Variants in TJP3 observed in about 807,000 individuals in gnomAD.
TJP3 encodes tight junction protein ZO-3.
TJP3 carries 85 observed loss-of-function variants against 104.2 expected under a neutral mutation model. The ratio of observed to expected loss-of-function variants is 0.82; its 90% CI spans 0.68 to 0.98. TJP3 has a LOEUF of 0.98. Among genes scored for constraint, TJP3 ranks in the 50% least tolerant of loss-of-function variants. The probability of loss-of-function intolerance (pLI) is 0.00; values close to 1 mark genes in which losing one functional copy is unlikely to be tolerated. For missense variants in TJP3, 1,367 were observed against 1,322.8 expected, an observed-to-expected ratio of 1.03 and a Z score of -0.52; for synonymous variants, 550 against 550.6, an observed-to-expected ratio of 1.00 and a Z score of 0.02.
chr19:3,731,922 T>C lies in TJP3; in HGVS notation c.614-13T>C, dbSNP rs1020260636. Reference sequence around the variant, plus strand: ...CAGAGTCCTGCCTCAGTTTCCCTCCTCCCCCCTTACAGAGTTTGGCGTCAA... The same window carrying C: ...CAGAGTCCTGCCTCAGTTTCCCTCCCCCCCCCTTACAGAGTTTGGCGTCAA... On this transcript the variant is annotated splice_polypyrimidine_tract_variant and intron_variant, in intron 5 of 20. Coordinates refer to ENST00000541714, the MANE Select transcript of TJP3 (RefSeq NM_001267560.2). 2.8e-5 allele frequency: 45 copies of C among 1,609,104 alleles called. No homozygotes were observed. The highest frequency in any genetic ancestry group is 3.1e-5 in the Non-Finnish European group (37 of 1,177,106).
Position 3,750,622 on chromosome 19 carries a change from G to C in TJP3, c.2698G>C (p.Val900Leu). The stretch of plus-strand genomic sequence containing the variant: ...AGCCCTGAAGAAAAAGTTTATGCGA[G>C]TACATGATGCGGAGTCCTCCGATGA... Reference protein sequence around the residue: ...REALKKKFMRVHDAESSDEDG... With the variant: ...REALKKKFMRLHDAESSDEDG... The change falls in exon 21 of 21, where the codon GTA becomes CTA. Residue 900 changes from valine (V) to leucine (L), a missense_variant. Val to Leu is a conservative substitution (Grantham distance 32, BLOSUM62 1). Transcript: ENST00000541714. 6.2e-7 allele frequency: 1 copy of C among 1,609,760 alleles called. No homozygotes were observed. Among genetic ancestry groups the C allele is most frequent in the Non-Finnish European group, 8.5e-7 (1 of 1,178,172 alleles).
chr19:3,733,827 A>T lies in TJP3; in HGVS notation c.792A>T (p.Leu264=), dbSNP rs1244401462. ...TGATTGAGAAGTCAGAAGGGAAGCT[A>T]AGCCTGCTGGTGCTGAGAGATCGTG... ...RRLIEKSEGK[L]SLLVLRDRGQ... Residue 264 remains leucine (L), a synonymous_variant, in exon 7 of 21, where the codon CTA becomes CTT. Coordinates refer to ENST00000541714, the MANE Select transcript of TJP3 (RefSeq NM_001267560.2). The T allele has an allele frequency of 1.2e-6, 2 of 1,614,102 alleles. No homozygotes were observed. The highest frequency in any genetic ancestry group is 2.2e-5 in the South Asian group (2 of 91,092).
Position 3,732,051 on chromosome 19 carries a change from T to G in TJP3, c.717+13T>G. ...TCTCATTCTACAGGTGAGGCCGGGC[T>G]TCTTGTCCTGAGAGCAGGGAGACAA... On this transcript the variant is annotated intron_variant, in intron 6 of 20. Transcript: ENST00000541714. The G allele has an allele frequency of 6.2e-7, 1 of 1,607,902 alleles. No individual in the cohort carries two copies.
In TJP3 at chr19:3,736,338, TGGCCAGCCCCAC is replaced by T; in HGVS notation, c.1284+18_1284+29del. 1 of 1,515,938 alleles carries T rather than the reference TGGCCAGCCCCAC, an allele frequency of 6.6e-7. No homozygotes were observed. The highest frequency in any genetic ancestry group is 8.8e-7 in the Non-Finnish European group (1 of 1,133,636). 93.9% of individuals were successfully genotyped at this position (1,515,938 alleles called of 1,614,324 possible). A position where few individuals can be genotyped will look rare whatever the true frequency, so the allele number is the denominator to read the frequency against. On this transcript the variant is annotated intron_variant, in intron 11 of 20. Transcript: ENST00000541714. ...ATTCTGCAGGTGCTCCGGGGGCGGC[TGGCCAGCCCCAC>T]TGATCATGGGCGTGCAGTGTGCTAG...
At chr19:3,719,365 T>A (rs8113745) in intron 1 of TJP3, among the ~76,000 whole-genome samples, 69 of 151,954 alleles carry the variant, frequency 4.5e-4, no homozygotes, top group African/African-American at 1.6e-3. Flanking sequence ...TTGGAAAGAG[T>A]TTGGGGCTCC....
intron 15 of TJP3, 105 bp from the exon 16 acceptor site, chr19:3,745,905 TG>T: frequency 4.4e-6 from 4 of 901,492 alleles, no homozygotes; most frequent in Non-Finnish European, 6.9e-6. Flanking sequence ...TCCAGGGCAA[TG>T]GGGAGCCATG....
chr19:3,722,422 G>T (rs1273674255), intron 1 of TJP3, among the ~76,000 whole-genome samples: 2 of 152,088 alleles, frequency 1.3e-5, no homozygotes, highest in African/African-American at 2.4e-5. Context: ...TTCATTTGGG[G>T]GCTGGGGTGG....
intron 6 of TJP3, 57 bp from the exon 7 acceptor site, chr19:3,733,696 A>G (rs1055705653): frequency 1.9e-6 from 3 of 1,597,752 alleles, no homozygotes; most frequent in African/African-American, 1.3e-5. Context: ...GGCTGTTTCT[A>G]CTGTCTCCCA....
At chr19:3,727,639 G>C (rs572110159) in intron 1 of TJP3, among the ~76,000 whole-genome samples, 1 of 152,006 alleles carries the variant, frequency 6.6e-6, no homozygotes, top group Admixed American at 6.6e-5. Context: ...GCTCAGTTTT[G>C]GACAAAGACA....
At chr19:3,741,513 G>A (rs540722014) in intron 14 of TJP3, among the ~76,000 whole-genome samples, 1 of 149,810 alleles carries the variant, frequency 6.7e-6, no homozygotes, top group African/African-American at 2.5e-5. Context: ...TGTAATCCCA[G>A]CTACTTGGGA....
chr19:3,730,425 A>G lies in TJP3; in HGVS notation c.332A>G (p.Asp111Gly). 1 of 1,590,250 alleles carries G rather than the reference A, an allele frequency of 6.3e-7. No homozygotes were observed. Among genetic ancestry groups the G allele is most frequent in the Non-Finnish European group, 8.6e-7 (1 of 1,169,546 alleles). The change falls in exon 5 of 21, where the codon GAC (aspartate) becomes GGC (glycine). Residue 111 changes from aspartate (D) to glycine (G), a missense_variant. Asp to Gly is a moderately conservative substitution (Grantham distance 94). Coordinates refer to ENST00000541714, the MANE Select transcript of TJP3 (RefSeq NM_001267560.2). The surrounding 1 kb of genome is among the most constrained non-coding windows in gnomAD (Gnocchi z 7.3). ...KASPSSPGRQ[D>G]SDEDDGPQRV... Reference sequence around the variant, plus strand: ...AGCCCCTCCAGCCCAGGGCGCCAGGACTCGGATGAAGACGATGGGCCCCAG... The same window carrying G: ...AGCCCCTCCAGCCCAGGGCGCCAGGGCTCGGATGAAGACGATGGGCCCCAG...
At chr19:3,728,295 T>C in intron 1 of TJP3, 129 bp from the exon 2 acceptor site, 10 of 1,416,114 alleles carry the variant, frequency 7.1e-6, no homozygotes, top group East Asian at 2.4e-5. Context: ...CTGAGAGAGG[T>C]AGTAACTTGT....
At chr19:3,715,864 T>C (rs1369661122) in intron 1 of TJP3, among the ~76,000 whole-genome samples, 1 of 152,034 alleles carries the variant, frequency 6.6e-6, no homozygotes, top group African/African-American at 2.4e-5. Context: ...CTACAGCCTC[T>C]GCCTCCTGGG....
At chr19:3,747,191 G>C (rs543370326) in intron 18 of TJP3, among the ~76,000 whole-genome samples, 52 of 152,122 alleles carry the variant, frequency 3.4e-4, no homozygotes, top group African/African-American at 1.2e-3. Context: ...CTCCCGAGTA[G>C]CTGGGACTAC....
intron 14 of TJP3, among the ~76,000 whole-genome samples, chr19:3,742,186 C>A (rs542905888): frequency 5.9e-5 from 9 of 152,156 alleles, no homozygotes; most frequent in Admixed American, 5.2e-4. Flanking sequence ...GTAATCCCAG[C>A]ACTTTGGGAG....
At chr19:3,734,282 C>T (rs2036708928) in intron 7 of TJP3, 45 bp from the exon 8 acceptor site, 1 of 1,597,018 alleles carries the variant, frequency 6.3e-7, no homozygotes. Context: ...GGGTCCAGTC[C>T]AGAAGGCGTG....
intron 14 of TJP3, among the ~76,000 whole-genome samples, chr19:3,742,052 A>G (rs780865693): frequency 2.2e-4 from 33 of 152,308 alleles, no homozygotes; most frequent in Non-Finnish European, 3.7e-4. Context: ...TTAAAAATCT[A>G]TTTGTGTCTC....
rs578221094 is a variant in TJP3, at chr19:3,736,187, G to A, written c.1150G>A (p.Val384Ile). The change falls in exon 11 of 21, where the codon GTC becomes ATC. Residue 384 changes from valine to isoleucine, a missense_variant. Val to Ile is a conservative substitution (Grantham distance 29). Transcript: ENST00000541714. ...DRGYSPDTRV[V>I]RFLKGKSIGL... ...CAGGTACAGCCCCGACACGCGTGTGGTCCGCTTCCTCAAGGGCAAGAGCAT... is the reference window on the plus strand; with the variant it reads ...CAGGTACAGCCCCGACACGCGTGTGATCCGCTTCCTCAAGGGCAAGAGCAT... 1.2e-5 allele frequency: 19 copies of A among 1,598,260 alleles called. No individual in the cohort carries two copies. In the East Asian group the frequency reaches 4.0e-4, roughly 34 times the overall value.
intron 1 of TJP3, among the ~76,000 whole-genome samples, chr19:3,713,724 CT>C (rs1025623067): frequency 4.0e-5 from 6 of 151,682 alleles, no homozygotes; most frequent in South Asian, 2.1e-4. Flanking sequence ...TTATTTATTT[CT>C]TTTTTTGAGA....
Sources: gnomAD v4.1 joint callset for allele counts (sites outside exome capture counted in the v4.1 genomes callset) on GRCh38, gnomAD v4.1.1 for gene constraint, Gnocchi (gnomAD v3.1) non-coding constraint, MANE v1.5 for transcripts, NCBI Gene and HGNC (gene_info 2026-07-23, HGNC 2026-07-21) for gene names.